TPO: variants seen among roughly 807,000 people sequenced by gnomAD.
TPO encodes the protein thyroid peroxidase.
A neutral mutation model predicts 96.9 loss-of-function variants in TPO; 78 were observed. The observed-to-expected ratio is 0.81, with a 90% CI of 0.67 to 0.97. The LOEUF is 0.97. Among genes scored for constraint, TPO ranks in the 50% least tolerant of loss-of-function variants. The probability of loss-of-function intolerance (pLI) is 0.00; values close to 1 mark genes in which losing one functional copy is unlikely to be tolerated. For synonymous variants in TPO, 547 were observed against 538.0 expected (o/e 1.02, Z -0.23); for missense variants, 1,252 against 1,274.8 (o/e 0.98, Z 0.27).
chr2:1,396,387 G>C (rs372421420), intron 1 of TPO, among the ~76,000 whole-genome samples: 40 of 152,254 alleles, frequency 2.6e-4, no homozygotes, highest in African/African-American at 8.9e-4. Context: ...CCAGCTCTGA[G>C]ATTGGCAGAA....
At chr2:1,397,932 T>C (rs1662109552) in intron 1 of TPO, among the ~76,000 whole-genome samples, 1 of 152,148 alleles carries the variant, frequency 6.6e-6, no homozygotes, top group Admixed American at 6.5e-5. Flanking sequence ...GGGTCAAAAC[T>C]TCCAGAGTTC....
intron 1 of TPO, among the ~76,000 whole-genome samples, chr2:1,386,515 C>G (rs1357989997): frequency 1.3e-5 from 2 of 152,148 alleles, no homozygotes; most frequent in African/African-American, 2.4e-5. Flanking sequence ...TCTGTTTTAT[C>G]TGAGACTAGG....
chr2:1,497,117 A>G (rs1460301011), intron 13 of TPO, among the ~76,000 whole-genome samples: 1 of 152,170 alleles, frequency 6.6e-6, no homozygotes, highest in East Asian at 1.9e-4. Flanking sequence ...CCAGGAACCC[A>G]TAGAGTAAGG....
chr2:1,492,650 C>G (rs11687944), intron 10 of TPO, among the ~76,000 whole-genome samples: 9,692 of 152,224 alleles, frequency 0.064, 362 homozygotes, highest in East Asian at 0.15. Flanking sequence ...CATGAGACAC[C>G]AAGAGGCCCA....
intron 15 of TPO, among the ~76,000 whole-genome samples, chr2:1,539,416 C>T (rs989725467): frequency 5.3e-5 from 8 of 152,164 alleles, no homozygotes; most frequent in South Asian, 2.1e-4. Context: ...CAGGCTGAAG[C>T]GATGACTAAA....
chr2:1,421,418 G>C (rs191647243), intron 2 of TPO, among the ~76,000 whole-genome samples: 43 of 152,250 alleles, frequency 2.8e-4, no homozygotes, highest in African/African-American at 1.0e-3. Flanking sequence ...AACCGCGCCA[G>C]GTGAAGTGAG....
At position 1,456,266 on chromosome 2, in the gene TPO, C is replaced by T; in HGVS notation, c.803C>T (p.Pro268Leu). ...DCQMTCENQNPCFPIQLPEEA... is the reference protein window; with the variant it reads ...DCQMTCENQNLCFPIQLPEEA... Reference sequence around the variant, plus strand: ...CAGATGACTTGTGAGAACCAAAACCCATGTTTTCCCATACAAGTAAGTTTT... The same window carrying T: ...CAGATGACTTGTGAGAACCAAAACCTATGTTTTCCCATACAAGTAAGTTTT... Residue 268 changes from proline (P) to leucine (L), a missense_variant, in exon 7 of 17, where the codon CCA becomes CTA. Physicochemically the swap from Pro to Leu is moderately conservative, Grantham distance 98. Transcript: ENST00000329066. 3 of 1,614,138 alleles carry T rather than the reference C, an allele frequency of 1.9e-6. No homozygotes were observed. Among genetic ancestry groups the T allele is most frequent in the African/African-American group, 1.3e-5 (1 of 75,062 alleles).
chr2:1,491,179 C>CA (rs1212532852), intron 10 of TPO, among the ~76,000 whole-genome samples: 7 of 151,528 alleles, frequency 4.6e-5, no homozygotes, highest in Middle Eastern at 3.4e-3. Flanking sequence ...AAAAAAAAAC[C>CA]AAAAAAACAC....
At chr2:1,387,547 G>A (rs191188376) in intron 1 of TPO, among the ~76,000 whole-genome samples, 1 of 152,288 alleles carries the variant, frequency 6.6e-6, no homozygotes, top group African/African-American at 2.4e-5. Flanking sequence ...CTTGTGCCTT[G>A]GTTTTCAGCT....
At chr2:1,506,192 C>T (rs1328557298) in intron 14 of TPO, among the ~76,000 whole-genome samples, 2 of 152,064 alleles carry the variant, frequency 1.3e-5, no homozygotes, top group African/African-American at 4.8e-5. Flanking sequence ...CAGTTTCATC[C>T]ATGTCCCTAC....
intron 13 of TPO, among the ~76,000 whole-genome samples, chr2:1,500,365 A>C (rs1231657490): frequency 6.6e-6 from 1 of 152,216 alleles, no homozygotes; most frequent in Non-Finnish European, 1.5e-5. Context: ...CAAAACTCCA[A>C]AATCTGGTAC....
At chr2:1,522,477 C>T (rs1240129817) in intron 15 of TPO, among the ~76,000 whole-genome samples, 1 of 151,104 alleles carries the variant, frequency 6.6e-6, no homozygotes, top group African/African-American at 2.4e-5. Context: ...AGACTCTCTA[C>T]CCCACACCGG....
chr2:1,526,958 C>T (rs1558411595), intron 15 of TPO, among the ~76,000 whole-genome samples: 1 of 143,226 alleles, frequency 7.0e-6, no homozygotes, highest in African/African-American at 2.6e-5. Context: ...ATCCCCCACA[C>T]TCTGTGCAAC....
chr2:1,514,812 C>G (rs928070362), intron 14 of TPO, among the ~76,000 whole-genome samples: 1 of 152,190 alleles, frequency 6.6e-6, no homozygotes, highest in African/African-American at 2.4e-5. Context: ...TTCTGCTGTG[C>G]GGCATCTGGC....
At chr2:1,541,338 G>A (rs4927632) in intron 16 of TPO, 177,315 of 294,056 alleles carry the variant, frequency 0.6, 54,576 homozygotes, top group Non-Finnish European at 0.63. Flanking sequence ...ATGATCGCAT[G>A]TTTCAAAATT....
intron 14 of TPO, among the ~76,000 whole-genome samples, chr2:1,514,747 C>G (rs1448836876): frequency 6.6e-6 from 1 of 152,220 alleles, no homozygotes; most frequent in African/African-American, 2.4e-5. Context: ...TTTACTGGCT[C>G]TTGAAATTGA....
At chr2:1,449,139 T>C (rs1667099802) in intron 5 of TPO, among the ~76,000 whole-genome samples, 1 of 152,204 alleles carries the variant, frequency 6.6e-6, no homozygotes, top group Admixed American at 6.5e-5. Context: ...AAATTCCATA[T>C]GGGTATTTAA....
intron 13 of TPO, among the ~76,000 whole-genome samples, chr2:1,500,187 C>T (rs999463208): frequency 3.9e-5 from 6 of 152,134 alleles, no homozygotes; most frequent in Non-Finnish European, 8.8e-5. Context: ...AGTGTCCTCC[C>T]GAATGTGAGG....
At position 1,429,967 on chromosome 2, in the gene TPO, G is replaced by T. The variant is rs535959597; in HGVS notation, c.180-3471G>T. ...GCCACTTGATAGAAAACAATATCCTGTTTTCAGGGAAAGAATTAAAGGGGG... is the reference window on the plus strand; with the variant it reads ...GCCACTTGATAGAAAACAATATCCTTTTTTCAGGGAAAGAATTAAAGGGGG... On this transcript the variant is annotated intron_variant, in intron 3 of 16. Coordinates refer to ENST00000329066, the MANE Select transcript of TPO (RefSeq NM_001206744.2). Among the ~76,000 whole-genome samples, 9 of 152,312 alleles carry T rather than the reference G, an allele frequency of 5.9e-5. 1 individual carries two copies. The highest frequency in any genetic ancestry group is 2.2e-4 in the African/African-American group (9 of 41,584).
Sources: gnomAD v4.1 joint callset for allele counts (sites outside exome capture counted in the v4.1 genomes callset) on GRCh38, gnomAD v4.1.1 for gene constraint, MANE v1.5 for transcripts, NCBI Gene and HGNC (gene_info 2026-07-23, HGNC 2026-07-21) for gene names.